AGAP1: variants seen among roughly 807,000 people sequenced by gnomAD.
AGAP1 encodes the protein arf-GAP with GTPase, ANK repeat and PH domain-containing protein 1.
In AGAP1, 29 loss-of-function variants were observed where a neutral mutation model predicts 105.3. The observed-to-expected ratio is 0.28, with a 90% CI of 0.21 to 0.38. AGAP1 has a LOEUF of 0.38. AGAP1 is among the 10% of genes least tolerant of loss of function. The pLI, the probability that AGAP1 is intolerant of heterozygous loss-of-function variation, is 1.00. For synonymous variants in AGAP1, 509 were observed against 485.9 expected (o/e 1.05, Z -0.63); for missense variants, 998 against 1,165.1 (o/e 0.86, Z 2.09).
chr2:235,907,129 T>A (rs148461590), intron 10 of AGAP1, among the ~76,000 whole-genome samples: 1 of 152,328 alleles, frequency 6.6e-6, no homozygotes, highest in Non-Finnish European at 1.5e-5. Context: ...CTCAATACAC[T>A]TGGCCAAGTT....
chr2:235,895,493 C>T (rs1278683915), intron 10 of AGAP1, among the ~76,000 whole-genome samples: 1 of 152,202 alleles, frequency 6.6e-6, no homozygotes. Context: ...CTCTTTGCCT[C>T]ACTAACTCCT....
At chr2:235,558,575 T>C (rs532176183) in intron 1 of AGAP1, among the ~76,000 whole-genome samples, 5 of 151,998 alleles carry the variant, frequency 3.3e-5, no homozygotes, top group Non-Finnish European at 7.4e-5. Context: ...TCAGGAGAAA[T>C]AAAAAGACCC....
intron 16 of AGAP1, among the ~76,000 whole-genome samples, chr2:236,116,222 TCTC>T (rs1201768969): frequency 6.6e-6 from 1 of 151,630 alleles, no homozygotes; most frequent in Non-Finnish European, 1.5e-5. Context: ...TTCAAGCAAT[TCTC>T]CTATCTCAGC....
At chr2:235,948,208 G>T (rs1246400373) in intron 12 of AGAP1, among the ~76,000 whole-genome samples, 1 of 152,120 alleles carries the variant, frequency 6.6e-6, no homozygotes, top group Non-Finnish European at 1.5e-5. Context: ...TTAGAGACAG[G>T]GTCTCACTGT....
At chr2:235,808,466 A>G (rs1016895900) in intron 9 of AGAP1, among the ~76,000 whole-genome samples, 2 of 152,206 alleles carry the variant, frequency 1.3e-5, no homozygotes, top group Admixed American at 6.5e-5. Context: ...GGGGCCAGCC[A>G]GTGTCAGCGT....
intron 1 of AGAP1, among the ~76,000 whole-genome samples, chr2:235,520,231 C>G (rs1250286843): frequency 6.6e-6 from 1 of 152,212 alleles, no homozygotes; most frequent in East Asian, 1.9e-4. Flanking sequence ...GGTCAAATAT[C>G]CAGTCTGTGC....
At chr2:235,630,867 T>C (rs181054191) in intron 1 of AGAP1, among the ~76,000 whole-genome samples, 1 of 152,336 alleles carries the variant, frequency 6.6e-6, no homozygotes, top group Non-Finnish European at 1.5e-5. Context: ...AACTGAGGTC[T>C]GTGTGCTGGC....
In AGAP1 at chr2:236,024,563, T is replaced by G. The variant is rs145586147; in HGVS notation, c.1646-11998T>G. Among the ~76,000 whole-genome samples, 883 of 152,328 alleles carry G rather than the reference T, an allele frequency of 5.8e-3. 5 individuals carry two copies. The highest frequency in any genetic ancestry group is 0.02 in the African/African-American group (834 of 41,576). ...GCAACTTCCAAATGTGAAACGGTTT[T>G]CAGCTGCTTTTAGCCCTTTAACCCT... On this transcript the variant is annotated intron_variant, in intron 13 of 17. Transcript: ENST00000304032.
rs1439392537 is a variant in AGAP1 at position 235,963,734 on chromosome 2, A to T, written c.1484-4728A>T. Among the ~76,000 whole-genome samples the T allele has an allele frequency of 6.6e-6, 1 of 152,124 alleles. No homozygotes were observed. The highest frequency in any genetic ancestry group is 1.5e-5 in the Non-Finnish European group (1 of 68,014). On this transcript the variant is annotated intron_variant, in intron 12 of 17. Transcript: ENST00000304032. This position sits in a 1 kb window ranked among gnomAD's most constrained non-coding sequence, Gnocchi z 5.1. Reference sequence around the variant, plus strand: ...TTCACCATCTTTTTCATTGATGTGGATGGATATATGGGAGTATATGCTCAG... The same window carrying T: ...TTCACCATCTTTTTCATTGATGTGGTTGGATATATGGGAGTATATGCTCAG...
chr2:235,835,103 AG>A lies in AGAP1; in HGVS notation c.1050+27773del, dbSNP rs559548736. Reference sequence around the variant, plus strand: ...CTACTTTTGCTCTCCCCGATTGCACAGTAGCCTCACTGGATGGACAGGTGCC... The same window carrying A: ...CTACTTTTGCTCTCCCCGATTGCACATAGCCTCACTGGATGGACAGGTGCC... On this transcript the variant is annotated intron_variant, in intron 9 of 17. Coordinates refer to ENST00000304032, the MANE Select transcript of AGAP1 (RefSeq NM_001037131.3). 5.9e-5 allele frequency among the ~76,000 whole-genome samples: 9 copies of A among 152,308 alleles called. No homozygotes were observed. The South Asian group carries it at 1.9e-3, about 32-fold the overall frequency.
At chr2:235,767,075 T>C (rs1221071688) in intron 6 of AGAP1, among the ~76,000 whole-genome samples, 1 of 152,060 alleles carries the variant, frequency 6.6e-6, no homozygotes, top group Non-Finnish European at 1.5e-5. Flanking sequence ...CACGCCTGGC[T>C]AATTTTTGTA....
In AGAP1 at chr2:236,012,215, G is replaced by A. The variant is rs1022824032; in HGVS notation, c.1646-24346G>A. On this transcript the variant is annotated intron_variant, in intron 13 of 17. Coordinates refer to ENST00000304032, the MANE Select transcript of AGAP1 (RefSeq NM_001037131.3). This position sits in a 1 kb window ranked among gnomAD's most constrained non-coding sequence, Gnocchi z 4.9. ...TTATACATCCTGTGGTAATGGGAGA[G>A]CAGAGTGTGAAAAATGGAAGGCATA... is the stretch of plus-strand genomic sequence containing the variant. Among the ~76,000 whole-genome samples, 2 of 152,116 alleles carry A rather than the reference G, an allele frequency of 1.3e-5. No homozygotes were observed.
Position 236,078,938 on chromosome 2 carries a change from C to G in AGAP1, c.2114+29657C>G, listed in dbSNP as rs1441658112. Among the ~76,000 whole-genome samples the G allele has an allele frequency of 6.6e-6, 1 of 152,200 alleles. No individual in the cohort carries two copies. The highest frequency in any genetic ancestry group is 1.5e-5 in the Non-Finnish European group (1 of 68,036). Reference sequence around the variant, plus strand: ...GAAGGTCCAGCCTCACACAGTGACCCAGTGGGCTTGAACAGTGAGGTTCCA... The same window carrying G: ...GAAGGTCCAGCCTCACACAGTGACCGAGTGGGCTTGAACAGTGAGGTTCCA... On this transcript the variant is annotated intron_variant, in intron 16 of 17. Transcript: ENST00000304032. This position sits in a 1 kb window ranked among gnomAD's most constrained non-coding sequence, Gnocchi z 5.3.
chr2:235,838,905 G>A (rs1960480723), intron 9 of AGAP1, among the ~76,000 whole-genome samples: 2 of 152,094 alleles, frequency 1.3e-5, no homozygotes, highest in Non-Finnish European at 1.5e-5. Context: ...GGACTTACAA[G>A]TGAAAAATCC....
rs908328934 is a variant in AGAP1, at chr2:235,550,049, G to A, written c.163+55200G>A. Among the ~76,000 whole-genome samples the A allele has an allele frequency of 6.6e-6, 1 of 152,146 alleles. No individual in the cohort carries two copies. Among genetic ancestry groups the A allele is most frequent in the African/African-American group, 2.4e-5 (1 of 41,422 alleles). On this transcript the variant is annotated intron_variant, in intron 1 of 17. Coordinates refer to ENST00000304032, the MANE Select transcript of AGAP1 (RefSeq NM_001037131.3). This position sits in a 1 kb window ranked among gnomAD's most constrained non-coding sequence, Gnocchi z 4.6. The stretch of plus-strand genomic sequence containing the variant: ...ATAATATGATGGATGTCCTTGTATT[G>A]TACATTTTTAGGAAGGACGGGTAGG...
chr2:235,613,898 T>C (rs923269728), intron 1 of AGAP1, among the ~76,000 whole-genome samples: 5 of 152,194 alleles, frequency 3.3e-5, no homozygotes, highest in African/African-American at 1.2e-4. Context: ...GGTGGCCTTG[T>C]CCATCTGCTG....
Position 235,963,190 on chromosome 2 carries a change from A to G in AGAP1, c.1484-5272A>G, listed in dbSNP as rs1006342249. Reference sequence around the variant, plus strand: ...TTCTCGGACTCACCAAGAGAATTATAAATATTGCAAGATATGGAGAAAGCT... The same window carrying G: ...TTCTCGGACTCACCAAGAGAATTATGAATATTGCAAGATATGGAGAAAGCT... On this transcript the variant is annotated intron_variant, in intron 12 of 17. Transcript: ENST00000304032. The surrounding 1 kb of genome is among the most constrained non-coding windows in gnomAD (Gnocchi z 5.1). Among the ~76,000 whole-genome samples the G allele has an allele frequency of 6.6e-6, 1 of 152,170 alleles. No individual in the cohort carries two copies. The highest frequency in any genetic ancestry group is 1.5e-5 in the Non-Finnish European group (1 of 68,040).
intron 6 of AGAP1, among the ~76,000 whole-genome samples, chr2:235,794,998 G>A (rs1474023541): frequency 1.3e-5 from 2 of 152,186 alleles, no homozygotes; most frequent in African/African-American, 2.4e-5. Flanking sequence ...ATATTCACAT[G>A]TTAAACCTAT....
chr2:236,009,490 G>A lies in AGAP1; in HGVS notation c.1646-27071G>A, dbSNP rs1404163402. On this transcript the variant is annotated intron_variant, in intron 13 of 17. Transcript: ENST00000304032. The surrounding 1 kb of genome is among the most constrained non-coding windows in gnomAD (Gnocchi z 4.2). ...TGCAACAGTGACATTTATACTGATG[G>A]CGTCTTTTTAAATAAATTAATACAT... 6.6e-6 allele frequency among the ~76,000 whole-genome samples: 1 copy of A among 152,170 alleles called. No individual in the cohort carries two copies. Among genetic ancestry groups the A allele is most frequent in the African/African-American group, 2.4e-5 (1 of 41,424 alleles).
Sources: allele counts gnomAD v4.1 joint callset (sites outside exome capture counted in the v4.1 genomes callset), GRCh38; gene constraint gnomAD v4.1.1; non-coding constraint Gnocchi (gnomAD v3.1); transcripts MANE v1.5; gene names NCBI Gene and HGNC (gene_info 2026-07-23, HGNC 2026-07-21).